Variants in BRF1 observed in about 807,000 individuals in gnomAD.
The protein encoded by BRF1 is BRF1 general transcription factor IIIB subunit.
Under a neutral mutation model 81.7 loss-of-function variants are expected in BRF1, and 59 were observed. That is an observed-to-expected ratio of 0.72 (90% CI 0.59 to 0.90). The LOEUF (loss-of-function observed/expected upper bound fraction) is 0.90. Ranked by LOEUF, BRF1 falls within the 40% of genes least tolerant of loss-of-function variation. The pLI is 0.00. For synonymous variants in BRF1, 491 were observed against 395.6 expected (o/e 1.24, Z -2.86); for missense variants, 1,050 against 936.3 (o/e 1.12, Z -1.58).
chr14:105,242,929 A>C (rs587711880), intron 5 of BRF1, among the ~76,000 whole-genome samples: 2 of 151,704 alleles, frequency 1.3e-5, no homozygotes, highest in African/African-American at 4.8e-5. Flanking sequence ...CACCCTGGGC[A>C]ACATGGTGAA....
intron 5 of BRF1, chr14:105,247,399 G>C (rs2055194047): frequency 3.0e-6 from 3 of 985,290 alleles, no homozygotes; most frequent in Non-Finnish European, 3.6e-6. Context: ...ATGATGATTT[G>C]TGCACTCTGG....
At chr14:105,268,713 G>C (rs765757437) in intron 3 of BRF1, among the ~76,000 whole-genome samples, 1 of 152,322 alleles carries the variant, frequency 6.6e-6, no homozygotes, top group South Asian at 2.1e-4. Context: ...CCTCTCCTGG[G>C]GTGGGGGCCA....
At chr14:105,260,968 G>A (rs1339928129) in intron 3 of BRF1, among the ~76,000 whole-genome samples, 2 of 152,228 alleles carry the variant, frequency 1.3e-5, no homozygotes, top group African/African-American at 2.4e-5. Flanking sequence ...AGCTCCCAGG[G>A]CTCTGGAGGT....
At chr14:105,220,246 G>C in intron 11 of BRF1, 116 bp from the exon 12 acceptor site, 1 of 1,154,350 alleles carries the variant, frequency 8.7e-7, no homozygotes, top group South Asian at 1.3e-5. Context: ...CTAGAACCCC[G>C]TCCCCTCCTC....
intron 1 of BRF1, among the ~76,000 whole-genome samples, chr14:105,288,261 TG>T (rs778102916): frequency 6.6e-6 from 1 of 151,530 alleles, no homozygotes; most frequent in Non-Finnish European, 1.5e-5. Context: ...GAGACCATCT[TG>T]GCGAACATGG....
intron 5 of BRF1, chr14:105,248,458 T>C: frequency 1.0e-6 from 1 of 984,900 alleles, no homozygotes; most frequent in African/African-American, 1.7e-5. Flanking sequence ...GGGCAGAAGC[T>C]CGAGCAGCTT....
intron 2 of BRF1, among the ~76,000 whole-genome samples, chr14:105,280,455 C>T (rs1008607119): frequency 1.3e-5 from 2 of 152,266 alleles, no homozygotes; most frequent in African/African-American, 4.8e-5. Context: ...GGTTACCCGT[C>T]ACTACGCATT....
At chr14:105,263,563 G>T (rs1443040037) in intron 3 of BRF1, among the ~76,000 whole-genome samples, 1 of 152,152 alleles carries the variant, frequency 6.6e-6, no homozygotes, top group East Asian at 1.9e-4. Flanking sequence ...CTTCAGCCGG[G>T]AACCAAGACG....
At chr14:105,247,215 C>T (rs587597529) in intron 5 of BRF1, 42 of 985,466 alleles carry the variant, frequency 4.3e-5, no homozygotes, top group South Asian at 2.3e-4. Context: ...CACTTTCTCT[C>T]GGAACTTTCC....
Position 105,271,118 on chromosome 14 carries a change from T to C in BRF1, c.439+1603A>G, listed in dbSNP as rs1031158572. On this transcript the variant is annotated intron_variant, in intron 3 of 17. Transcript: ENST00000547530. This position sits in a 1 kb window ranked among gnomAD's most constrained non-coding sequence, Gnocchi z 5.5. ...AGAAATGAAACAGCCTGCTGGAAGC[T>C]AAAGTTCAGGTGCTGTCCCAAAGCA... 2.0e-5 allele frequency among the ~76,000 whole-genome samples: 3 copies of C among 152,190 alleles called. No homozygotes were observed. The highest frequency in any genetic ancestry group is 7.2e-5 in the African/African-American group (3 of 41,444).
At chr14:105,215,553 ACAC>A (rs916208924) in intron 15 of BRF1, among the ~76,000 whole-genome samples, 2 of 151,908 alleles carry the variant, frequency 1.3e-5, no homozygotes, top group Non-Finnish European at 2.9e-5. Context: ...ACAGGCACAC[ACAC>A]ATGCACACAT....
Position 105,284,110 on chromosome 14 carries a change from C to T in BRF1, c.265+2186G>A, listed in dbSNP as rs147772342. The stretch of plus-strand genomic sequence containing the variant: ...AGTGGAGAGGAAGAGGGATGTGCTG[C>T]GCTGCACCCGCTTCCTGCAGGAAAC... On this transcript the variant is annotated intron_variant, in intron 2 of 17. Transcript: ENST00000547530. The surrounding 1 kb of genome is among the most constrained non-coding windows in gnomAD (Gnocchi z 4.0). Among the ~76,000 whole-genome samples, 483 of 152,180 alleles carry T rather than the reference C, an allele frequency of 3.2e-3. 3 individuals are homozygous for T. The highest frequency in any genetic ancestry group is 0.011 in the African/African-American group (459 of 41,526).
intron 2 of BRF1, 87 bp downstream of exon 2, chr14:105,286,209 G>C (rs2057308961): frequency 7.1e-7 from 1 of 1,404,512 alleles, no homozygotes; most frequent in African/African-American, 1.4e-5. Flanking sequence ...TGAGGTCCAT[G>C]GCTGAGTCAG....
intron 4 of BRF1, among the ~76,000 whole-genome samples, chr14:105,255,148 T>C (rs1019676902): frequency 5.3e-5 from 8 of 152,070 alleles, no homozygotes; most frequent in Non-Finnish European, 7.4e-5. Flanking sequence ...ACCATCTGAG[T>C]CCCCAGGAGC....
chr14:105,254,487 G>A (rs2055769849), intron 4 of BRF1, among the ~76,000 whole-genome samples: 1 of 152,132 alleles, frequency 6.6e-6, no homozygotes, highest in Non-Finnish European at 1.5e-5. Flanking sequence ...TCGATCTCCA[G>A]ACCTCCTGAT....
chr14:105,252,370 G>T, intron 5 of BRF1, 137 bp downstream of exon 5: 1 of 1,425,584 alleles, frequency 7.0e-7, no homozygotes. Context: ...TGAGCTCCTA[G>T]CAGCTTTAAG....
At chr14:105,219,876 C>T (rs1282672265) in intron 12 of BRF1, 193 bp downstream of exon 12, 4 of 644,456 alleles carry the variant, frequency 6.2e-6, no homozygotes, top group Non-Finnish European at 1.1e-5. Context: ...AGGCCGCCCC[C>T]GAGCCGACAC....
intron 6 of BRF1, among the ~76,000 whole-genome samples, chr14:105,229,519 G>C (rs916588773): frequency 1.3e-5 from 2 of 152,236 alleles, no homozygotes; most frequent in Non-Finnish European, 2.9e-5. Context: ...TTCCGGAGCT[G>C]GGGTAGTTGA....
chr14:105,300,741 C>A lies in BRF1; in HGVS notation c.-112G>T. The A allele has an allele frequency of 1.2e-6, 1 of 829,528 alleles. No homozygotes were observed. Among genetic ancestry groups the A allele is most frequent in the South Asian group, 6.0e-5 (1 of 16,744 alleles). 51.4% of individuals were successfully genotyped at this position (829,528 alleles called of 1,614,324 possible). On this transcript the variant is annotated 5_prime_UTR_variant, in exon 1 of 18. Coordinates refer to ENST00000547530, the MANE Select transcript of BRF1 (RefSeq NM_001519.4). ...GCCCAGCCGCCCAGGCCTCGCCGCT[C>A]TCGCGAGGCCCCGCTCCAGCCGATT...
Sources: allele counts gnomAD v4.1 joint callset (sites outside exome capture counted in the v4.1 genomes callset), GRCh38; gene constraint gnomAD v4.1.1; non-coding constraint Gnocchi (gnomAD v3.1); transcripts MANE v1.5; gene names NCBI Gene and HGNC (gene_info 2026-07-23, HGNC 2026-07-21).